SMIM10L3: variants seen among roughly 807,000 people sequenced by gnomAD.
SMIM10L3 encodes the protein small integral membrane protein 10 like 3.
chr7:6,347,519 A>G, the SMIM10L3 span, among the ~76,000 whole-genome samples: 3 of 83,798 alleles, frequency 3.6e-5, no homozygotes, highest in Admixed American at 1.1e-4. Flanking sequence ...GTCTCAGGGA[A>G]AAAAAAAAAA....
chr7:6,329,447 T>A, the SMIM10L3 span: 2 of 152,496 alleles, frequency 1.3e-5, no homozygotes, highest in Non-Finnish European at 2.9e-5. Context: ...AAGAACAAAT[T>A]TTATTTTTCA....
At chr7:6,344,546 G>A in the SMIM10L3 span, among the ~76,000 whole-genome samples, 1 of 152,058 alleles carries the variant, frequency 6.6e-6, no homozygotes, top group Non-Finnish European at 1.5e-5. Flanking sequence ...AGTCTCCCAA[G>A]TAGCTGGGAC....
the SMIM10L3 span, among the ~76,000 whole-genome samples, chr7:6,333,062 C>T: frequency 2.6e-4 from 39 of 150,932 alleles, no homozygotes; most frequent in East Asian, 2.0e-3. Context: ...GAGGCTGAAG[C>T]GAGAGAATTG....
At chr7:6,346,449 G>A in the SMIM10L3 span, among the ~76,000 whole-genome samples, 1 of 151,992 alleles carries the variant, frequency 6.6e-6, no homozygotes, top group Non-Finnish European at 1.5e-5. Context: ...TCACTGCAAC[G>A]TCTGCCTCCC....
chr7:6,330,515 C>A, the SMIM10L3 span: 1 of 1,614,104 alleles, frequency 6.2e-7, no homozygotes. Flanking sequence ...TTTAAACGGT[C>A]AAGGAAAATG....
the SMIM10L3 span, among the ~76,000 whole-genome samples, chr7:6,346,224 G>C: frequency 6.6e-6 from 1 of 152,084 alleles, no homozygotes; most frequent in East Asian, 1.9e-4. Context: ...CCCCTGAACT[G>C]ACACAGGAGC....
chr7:6,342,538 C>CAA, the SMIM10L3 span, among the ~76,000 whole-genome samples: 19 of 146,442 alleles, frequency 1.3e-4, no homozygotes, highest in African/African-American at 4.2e-4. Flanking sequence ...GACTCTGTCT[C>CAA]AAAAAAAAAA....
the SMIM10L3 span, among the ~76,000 whole-genome samples, chr7:6,338,984 C>A: frequency 9.2e-5 from 14 of 152,170 alleles, no homozygotes; most frequent in African/African-American, 3.4e-4. Flanking sequence ...CGCTAGCACA[C>A]CTTAACTCAC....
At chr7:6,330,775 C>A in the SMIM10L3 span, 1 of 1,613,862 alleles carries the variant, frequency 6.2e-7, no homozygotes, top group Admixed American at 1.7e-5. Context: ...CCAGTCTCGC[C>A]GCCCCAGAGC....
the SMIM10L3 span, among the ~76,000 whole-genome samples, chr7:6,332,959 G>A: frequency 6.6e-6 from 1 of 152,096 alleles, no homozygotes; most frequent in Non-Finnish European, 1.5e-5. Flanking sequence ...AGGAGTTCGA[G>A]ACAAGCATGG....
the SMIM10L3 span, chr7:6,330,688 G>A: frequency 2.5e-6 from 4 of 1,613,976 alleles, no homozygotes; most frequent in East Asian, 2.2e-5. Context: ...TTGATGGCGT[G>A]GCAGTCGTGA....
the SMIM10L3 span, among the ~76,000 whole-genome samples, chr7:6,336,767 AC>A: frequency 6.6e-6 from 1 of 150,528 alleles, no homozygotes. Context: ...TCATCACCTC[AC>A]CTTAGCCTCC....
chr7:6,347,377 G>A, the SMIM10L3 span, among the ~76,000 whole-genome samples: 2 of 152,002 alleles, frequency 1.3e-5, no homozygotes, highest in Admixed American at 6.6e-5. Context: ...TTAGCCTGGC[G>A]TGGTGGCGGG....
the SMIM10L3 span, among the ~76,000 whole-genome samples, chr7:6,344,525 T>G: frequency 4.6e-5 from 7 of 152,068 alleles, no homozygotes; most frequent in East Asian, 1.4e-3. Flanking sequence ...TGGCCTCAAG[T>G]GATCCACCTC....
chr7:6,331,031 C>A, the SMIM10L3 span: 12 of 1,613,944 alleles, frequency 7.4e-6, no homozygotes, highest in Non-Finnish European at 1.0e-5. Context: ...GAGGGTGCAT[C>A]TGCAGGCCAA....
the SMIM10L3 span, among the ~76,000 whole-genome samples, chr7:6,336,874 G>T: frequency 1.3e-5 from 2 of 151,656 alleles, no homozygotes; most frequent in Non-Finnish European, 2.9e-5. Flanking sequence ...GGCTGGTCTT[G>T]AACTCCTGGG....
At chr7:6,330,894 T>C in the SMIM10L3 span, 2 of 1,614,194 alleles carry the variant, frequency 1.2e-6, no homozygotes, top group South Asian at 2.2e-5. Context: ...TTACTGATTC[T>C]CTCACATATG....
At chr7:6,342,190 TTTTC>T in the SMIM10L3 span, among the ~76,000 whole-genome samples, 6 of 152,092 alleles carry the variant, frequency 3.9e-5, no homozygotes, top group East Asian at 1.9e-4. Context: ...TTCCTTTCTT[TTTTC>T]TTTCTTTTTC....
the SMIM10L3 span, among the ~76,000 whole-genome samples, chr7:6,332,317 A>G: frequency 4.6e-5 from 7 of 152,038 alleles, no homozygotes; most frequent in Non-Finnish European, 8.8e-5. Flanking sequence ...AAATAGTCTA[A>G]TTAGTTTAAT....
Sources: gnomAD v4.1 joint callset for allele counts (sites outside exome capture counted in the v4.1 genomes callset) on GRCh38, gnomAD v4.1.1 for gene constraint, MANE v1.5 for transcripts, NCBI Gene and HGNC (gene_info 2026-07-23, HGNC 2026-07-21) for gene names.